PREPL: variants seen among roughly 807,000 people sequenced by gnomAD.
PREPL encodes the protein prolyl endopeptidase-like.
In PREPL, 77 loss-of-function variants were observed where a neutral mutation model predicts 70.6. The observed-to-expected ratio is 1.09, with a 90% CI of 0.91 to 1.32. The LOEUF is 1.32. Among genes scored for constraint, PREPL ranks in the 40% most tolerant of loss-of-function variants. The pLI, the probability that PREPL is intolerant of heterozygous loss-of-function variation, is 0.00. For synonymous variants in PREPL, 315 were observed against 264.8 expected (o/e 1.19, Z -1.84); for missense variants, 1,002 against 778.2 (o/e 1.29, Z -3.42).
chr2:44,338,301 C>T, intron 7 of PREPL, 50 bp downstream of exon 7: 1 of 1,484,072 alleles, frequency 6.7e-7, no homozygotes, highest in Non-Finnish European at 9.2e-7. Context: ...TTAAGCTAAA[C>T]TGCATAAATA....
At chr2:44,361,827 G>A, upstream of PREPL, 1 of 1,198,554 alleles carries the variant, frequency 8.3e-7, no homozygotes, top group Non-Finnish European at 1.1e-6. Context: ...GTGACAGCTC[G>A]GCCCTGGTTG....
At chr2:44,342,634 T>A in intron 4 of PREPL, 82 bp from the exon 5 acceptor site, 1 of 1,140,302 alleles carries the variant, frequency 8.8e-7, no homozygotes, top group Non-Finnish European at 1.3e-6. Context: ...CATTCTAATT[T>A]TGAATGCCAG....
At chr2:44,335,662 C>T (rs1674562815) in intron 7 of PREPL, among the ~76,000 whole-genome samples, 1 of 151,838 alleles carries the variant, frequency 6.6e-6, no homozygotes, top group Admixed American at 6.6e-5. Context: ...GACAAAGATG[C>T]CAAAAGCAAT....
chr2:44,325,564 G>A (rs756881100), intron 10 of PREPL, among the ~76,000 whole-genome samples: 3 of 152,074 alleles, frequency 2.0e-5, no homozygotes, highest in Non-Finnish European at 2.9e-5. Flanking sequence ...ACTATAATAA[G>A]CAACCTAGCA....
intron 1 of PREPL, among the ~76,000 whole-genome samples, chr2:44,359,306 G>C (rs908868425): frequency 1.6e-4 from 25 of 152,032 alleles, no homozygotes; most frequent in African/African-American, 5.8e-4. Context: ...GACCTCAGGT[G>C]ATCTGCCTGC....
chr2:44,339,815 G>C (rs1020007835), intron 5 of PREPL, among the ~76,000 whole-genome samples: 4 of 152,004 alleles, frequency 2.6e-5, no homozygotes, highest in Non-Finnish European at 5.9e-5. Flanking sequence ...ACACAAATAG[G>C]GAATAAAAGG....
At chr2:44,330,480 T>C (rs1673980023) in intron 8 of PREPL, among the ~76,000 whole-genome samples, 1 of 152,202 alleles carries the variant, frequency 6.6e-6, no homozygotes. Flanking sequence ...TAAAAGATAA[T>C]ACACTAAGTG....
Position 44,321,262 on chromosome 2 carries a change from T to A in PREPL, c.*94A>T. The A allele has an allele frequency of 1.8e-6, 2 of 1,085,962 alleles. No homozygotes were observed. Among genetic ancestry groups the A allele is most frequent in the Non-Finnish European group, 2.7e-6 (2 of 749,516 alleles). The allele number at this position is 1,085,962 out of a possible 1,614,324, so 67.3% of individuals were successfully genotyped here. Reference sequence around the variant, plus strand: ...TTTTAAAAAATTAATAACTTAAAAGTCTCAAGTTATTAATTTTTTTTTTGC... The same window carrying A: ...TTTTAAAAAATTAATAACTTAAAAGACTCAAGTTATTAATTTTTTTTTTGC... On this transcript the variant is annotated 3_prime_UTR_variant, in exon 14 of 14. Coordinates refer to ENST00000409411, the MANE Select transcript of PREPL (RefSeq NM_001171613.2).
In PREPL at chr2:44,342,437, A is replaced by G; in HGVS notation, c.465T>C (p.Phe155=). The change falls in exon 5 of 14, where the codon TTT becomes TTC. Residue 155 remains phenylalanine, a synonymous_variant. Transcript: ENST00000409411. ...AGTACCTTGGGTCTTTTTCTGTGTA[A>G]AAGCGTTCATTACGTTTGTTATCAC... ...TFGDNKRNER[F]YTEKDPSYFV... is the part of the protein sequence containing the mutation. 1 of 1,612,734 alleles carries G rather than the reference A, an allele frequency of 6.2e-7. No individual in the cohort carries two copies. The highest frequency in any genetic ancestry group is 8.5e-7 in the Non-Finnish European group (1 of 1,179,218).
chr2:44,332,225 C>A (rs888389095), intron 8 of PREPL, among the ~76,000 whole-genome samples: 1 of 151,962 alleles, frequency 6.6e-6, no homozygotes, highest in Non-Finnish European at 1.5e-5. Flanking sequence ...GGATTACAGG[C>A]GTGAGCCACC....
At chr2:44,352,082 T>C (rs1243463408) in intron 1 of PREPL, among the ~76,000 whole-genome samples, 3 of 152,244 alleles carry the variant, frequency 2.0e-5, no homozygotes, top group African/African-American at 4.8e-5. Flanking sequence ...TATGCCCAAA[T>C]ACCTCCTTAA....
At chr2:44,344,393 A>C (rs773162059) in intron 3 of PREPL, 127 bp downstream of exon 3, 72 of 762,712 alleles carry the variant, frequency 9.4e-5, no homozygotes, top group Non-Finnish European at 1.2e-4. Context: ...AAAACTAGTC[A>C]TTAAAAAAAA....
upstream of PREPL, chr2:44,361,826 C>G: frequency 8.4e-7 from 1 of 1,194,410 alleles, no homozygotes. Flanking sequence ...CGTGACAGCT[C>G]GGCCCTGGTT....
At chr2:44,329,874 A>T (rs1385234469) in intron 8 of PREPL, among the ~76,000 whole-genome samples, 1 of 152,226 alleles carries the variant, frequency 6.6e-6, no homozygotes, top group Non-Finnish European at 1.5e-5. Context: ...TTTCACACAA[A>T]AAAGATAAAG....
intron 5 of PREPL, among the ~76,000 whole-genome samples, chr2:44,342,142 T>A (rs1675292608): frequency 6.6e-6 from 1 of 152,184 alleles, no homozygotes; most frequent in Non-Finnish European, 1.5e-5. Flanking sequence ...CAGTTCTAGG[T>A]CATCTTTATG....
intron 8 of PREPL, among the ~76,000 whole-genome samples, chr2:44,330,169 T>C (rs1255247284): frequency 6.6e-6 from 1 of 152,234 alleles, no homozygotes; most frequent in Non-Finnish European, 1.5e-5. Flanking sequence ...CTTGGTCTTT[T>C]CACTTCCCAA....
intron 5 of PREPL, among the ~76,000 whole-genome samples, chr2:44,340,550 A>C (rs1675101325): frequency 6.6e-6 from 1 of 152,182 alleles, no homozygotes; most frequent in Non-Finnish European, 1.5e-5. Flanking sequence ...TTATTTGTCA[A>C]TCGTTATTTC....
In PREPL at chr2:44,343,758, A is replaced by T. The variant is rs772575204; in HGVS notation, c.336T>A (p.Asn112Lys). 4.3e-6 allele frequency: 7 copies of T among 1,613,592 alleles called. No individual in the cohort carries two copies. The South Asian group carries it at 7.7e-5, about 18-fold the overall frequency. ...DQPVMEASFP[N>K]VSSFEWVKDE... ...TTGGTGGCTTACCAAAACTGGACAC[A>T]TTCGGGAAAGAAGCTTCCATTACGG... Residue 112 changes from asparagine to lysine, a missense_variant, in exon 4 of 14, where the codon AAT becomes AAA. By Grantham distance (94) the Asn-to-Lys change is moderately conservative. Coordinates refer to ENST00000409411, the MANE Select transcript of PREPL (RefSeq NM_001171613.2).
rs779146146 is a variant in PREPL, at chr2:44,329,124, G to C, written c.1087-12C>G. The C allele has an allele frequency of 6.4e-7, 1 of 1,567,522 alleles. No individual in the cohort carries two copies. Among genetic ancestry groups the C allele is most frequent in the South Asian group, 1.1e-5 (1 of 88,958 alleles). On this transcript the variant is annotated splice_polypyrimidine_tract_variant and intron_variant, in intron 8 of 13. Coordinates refer to ENST00000409411, the MANE Select transcript of PREPL (RefSeq NM_001171613.2). The stretch of plus-strand genomic sequence containing the variant: ...ACTAATTTTCCATCCTAGAAATGAA[G>C]AATTACTATGTATGTAAAGAAGAGT...
Sources: gnomAD v4.1 joint callset for allele counts (sites outside exome capture counted in the v4.1 genomes callset) on GRCh38, gnomAD v4.1.1 for gene constraint, MANE v1.5 for transcripts, NCBI Gene and HGNC (gene_info 2026-07-23, HGNC 2026-07-21) for gene names.